The following UBAP2 variants were observed in gnomAD, a reference collection of about 807,000 sequenced individuals.
UBAP2 encodes the protein ubiquitin associated protein 2.
UBAP2 carries 75 observed loss-of-function variants against 139.6 expected under a neutral mutation model. The observed-to-expected ratio is 0.54, with a 90% CI of 0.45 to 0.65. UBAP2 has a LOEUF of 0.65. Ranked by LOEUF, UBAP2 falls within the 30% of genes least tolerant of loss-of-function variation. The pLI, the probability that UBAP2 is intolerant of heterozygous loss-of-function variation, is 0.00. For synonymous variants in UBAP2, 526 were observed against 526.2 expected (o/e 1.00, Z 0.01); for missense variants, 1,368 against 1,369.6 (o/e 1.00, Z 0.02).
At chr9:33,942,748 A>AAAAGG (rs1825346579) in intron 15 of UBAP2, among the ~76,000 whole-genome samples, 1 of 152,004 alleles carries the variant, frequency 6.6e-6, no homozygotes, top group Admixed American at 6.6e-5. Context: ...AAAAGAAAAG[A>AAAAGG]AAAGAAAACT....
At chr9:33,939,663 C>T (rs1241040690) in intron 16 of UBAP2, among the ~76,000 whole-genome samples, 2 of 141,134 alleles carry the variant, frequency 1.4e-5, no homozygotes, top group African/African-American at 2.7e-5. Context: ...AGGTTGCAGG[C>T]AGTTGTGATC....
intron 6 of UBAP2, among the ~76,000 whole-genome samples, chr9:33,974,563 T>A (rs183441177): frequency 6.6e-6 from 1 of 151,992 alleles, no homozygotes; most frequent in Admixed American, 6.6e-5. Context: ...ACCCAAAGAA[T>A]GGAAGAAAAT....
At chr9:33,980,401 T>A (rs1215060876) in intron 6 of UBAP2, among the ~76,000 whole-genome samples, 2 of 140,250 alleles carry the variant, frequency 1.4e-5, no homozygotes, top group Non-Finnish European at 3.1e-5. Context: ...CCAGCTAATC[T>A]TTTTTTGTAT....
chr9:33,958,369 T>C (rs918650416), intron 10 of UBAP2, among the ~76,000 whole-genome samples: 22 of 152,088 alleles, frequency 1.4e-4, no homozygotes, highest in African/African-American at 3.6e-4. Context: ...ACTATAAACA[T>C]TGACATATCT....
At position 34,004,771 on chromosome 9, in the gene UBAP2, G is replaced by A. The variant is rs1254644671; in HGVS notation, c.100-5907C>T. Among the ~76,000 whole-genome samples, 26 of 148,358 alleles carry A rather than the reference G, an allele frequency of 1.8e-4. No individual in the cohort carries two copies. The East Asian group carries it at 2.6e-3, about 15-fold the overall frequency. ...TGCACTCCAGCCTGGGCAAAAGAGC[G>A]AGATTCTGTCTCCAAAAAAAAAAAT... is the stretch of plus-strand genomic sequence containing the variant. On this transcript the variant is annotated intron_variant, in intron 2 of 28. Coordinates refer to ENST00000379238, the MANE Select transcript of UBAP2 (RefSeq NM_001370062.2).
chr9:33,927,704 A>G (rs1053610906), intron 20 of UBAP2, 93 bp downstream of exon 20: 1 of 1,374,356 alleles, frequency 7.3e-7, no homozygotes. Flanking sequence ...CGGGCCTGAG[A>G]CTCTCCTGAC....
At chr9:33,965,745 G>C (rs1463999477) in intron 8 of UBAP2, among the ~76,000 whole-genome samples, 1 of 152,196 alleles carries the variant, frequency 6.6e-6, no homozygotes, top group Non-Finnish European at 1.5e-5. Context: ...TGTTAGAGCA[G>C]TTCTTAAAAT....
Position 33,935,872 on chromosome 9 carries a change from G to A in UBAP2, c.1936C>T (p.His646Tyr), listed in dbSNP as rs954494099. 2 of 1,612,556 alleles carry A rather than the reference G, an allele frequency of 1.2e-6. No individual in the cohort carries two copies. Among genetic ancestry groups the A allele is most frequent in the African/African-American group, 2.7e-5 (2 of 74,866 alleles). Residue 646 changes from histidine (H) to tyrosine (Y), a missense_variant, in exon 17 of 29, where the codon CAT becomes TAT. His to Tyr is a moderately conservative substitution (Grantham distance 83). Transcript: ENST00000379238. ...GTCTGCTGACTTCGACCACCACCAT[G>A]TCCATTCTATAAGGAAAAGAAGAGA... ...ESAPGTIMNG[H>Y]GGGRSQQTLD...
In UBAP2 at chr9:33,927,978, CTCCACACT is replaced by C; in HGVS notation, c.2182_2189del (p.Ser728GlufsTer31). The C allele has an allele frequency of 6.2e-7, 1 of 1,612,674 alleles. No homozygotes were observed. The highest frequency in any genetic ancestry group is 8.5e-7 in the Non-Finnish European group (1 of 1,179,194). Reference sequence around the variant, plus strand: ...CTGAGGACTGGTGGGAAGAGGCGCTCTCCACACTGGCATGCTGGCAAAAGAAAAGCCAG... The same window carrying C: ...CTGAGGACTGGTGGGAAGAGGCGCTCGGCATGCTGGCAAAAGAAAAGCCAG... On this transcript the variant is annotated frameshift_variant, in exon 20 of 29. Coordinates refer to ENST00000379238, the MANE Select transcript of UBAP2 (RefSeq NM_001370062.2). LOFTEE classifies it high-confidence loss of function.
rs370190537 is a variant in UBAP2, at chr9:33,958,499, C to T, written c.798+2327G>A. ...GATCTTGTCTCACTGCAAGTGCCTC[C>T]CGGGTTCAAGTGATTCTCCTGCCTC... On this transcript the variant is annotated intron_variant, in intron 10 of 28. Coordinates refer to ENST00000379238, the MANE Select transcript of UBAP2 (RefSeq NM_001370062.2). Among the ~76,000 whole-genome samples, 15 of 151,482 alleles carry T rather than the reference C, an allele frequency of 9.9e-5. 1 individual carries two copies. The South Asian group carries it at 3.1e-3, about 32-fold the overall frequency.
At position 33,963,736 on chromosome 9, in the gene UBAP2, A is replaced by C. The variant is rs149927922; in HGVS notation, c.735T>G (p.Tyr245Ter). ...IAQDLSNKSSYGLKGAWKNSV... is the reference protein window; with the variant it reads ...IAQDLSNKSS The stretch of plus-strand genomic sequence containing the variant: ...ATTAAGTATTCATACCTTTGAGTCC[A>C]TAAGAACTTTTGTTTGACAGATCCT... Residue 245 changes from tyrosine (Y) to a stop codon, truncating the protein, a stop_gained, in exon 9 of 29, where the codon TAT becomes TAG. Transcript: ENST00000379238. LOFTEE classifies it high-confidence loss of function. 2 of 1,607,946 alleles carry C rather than the reference A, an allele frequency of 1.2e-6. No individual in the cohort carries two copies. The highest frequency in any genetic ancestry group is 1.7e-6 in the Non-Finnish European group (2 of 1,174,782).
rs1280448603 is a variant in UBAP2 at position 33,956,128 on chromosome 9, A to G, written c.817T>C (p.Phe273Leu). The G allele has an allele frequency of 1.9e-6, 3 of 1,613,762 alleles. No homozygotes were observed. The highest frequency in any genetic ancestry group is 2.5e-6 in the Non-Finnish European group (3 of 1,179,868). The change falls in exon 11 of 29, where the codon TTC (phenylalanine) becomes CTC (leucine). Residue 273 changes from phenylalanine to leucine, a missense_variant. Coordinates refer to ENST00000379238, the MANE Select transcript of UBAP2 (RefSeq NM_001370062.2). ...TCTGCTGGAGCAGATGAGGCAGTGA[A>G]GACCTTTGTTTCAGAAAGCTGTATG... Reference protein sequence around the residue: ...WTEDLSETKVFTASSAPAENH... With the variant: ...WTEDLSETKVLTASSAPAENH...
At chr9:34,037,524 T>C (rs538628116) in intron 1 of UBAP2, among the ~76,000 whole-genome samples, 2 of 152,306 alleles carry the variant, frequency 1.3e-5, no homozygotes, top group East Asian at 1.9e-4. Flanking sequence ...AAACTTAGGG[T>C]TGGCATAGCA....
chr9:33,923,924 G>C lies in UBAP2; in HGVS notation c.2667C>G (p.Ser889Arg), dbSNP rs767130194. 3 of 1,614,182 alleles carry C rather than the reference G, an allele frequency of 1.9e-6. No homozygotes were observed. The highest frequency in any genetic ancestry group is 2.5e-6 in the Non-Finnish European group (3 of 1,180,032). The part of the protein sequence containing the change: ...PATTPAQPQQ[S>R]QSQTHHTAQQ... ...GGGCTGTGTGGTGGGTCTGTGATTG[G>C]CTCTGCTGTGGCTGAGCTGGTGTGG... Residue 889 changes from serine to arginine, a missense_variant, in exon 24 of 29, where the codon AGC (serine) becomes AGG (arginine). By Grantham distance (110) the Ser-to-Arg change is moderately radical. Transcript: ENST00000379238.
At chr9:33,943,904 T>A (rs1339220746) in intron 14 of UBAP2, among the ~76,000 whole-genome samples, 4 of 145,396 alleles carry the variant, frequency 2.8e-5, no homozygotes, top group African/African-American at 7.6e-5. Flanking sequence ...CTGTCTCATT[T>A]AAAAAAAAAA....
chr9:33,961,781 G>A (rs986410563), intron 9 of UBAP2, among the ~76,000 whole-genome samples: 1 of 152,178 alleles, frequency 6.6e-6, no homozygotes, highest in Non-Finnish European at 1.5e-5. Context: ...GCATGCTTGT[G>A]AGACAAAAGA....
At chr9:34,042,820 G>A (rs900137585) in intron 1 of UBAP2, among the ~76,000 whole-genome samples, 22 of 150,934 alleles carry the variant, frequency 1.5e-4, no homozygotes, top group Admixed American at 4.0e-4. Context: ...GCTCACACCT[G>A]TAATCTCAGC....
chr9:34,016,370 C>CGGGGGTGGTGGTGGTGGTGGT (rs1321174650), intron 2 of UBAP2, among the ~76,000 whole-genome samples: 1 of 93,690 alleles, frequency 1.1e-5, no homozygotes, highest in African/African-American at 4.9e-5. Flanking sequence ...GCGGCAGCGG[C>CGGGGGTGGTGGTGGTGGTGGT]GGTGGTGGTG....
At chr9:33,990,637 A>ATT (rs35851905) in intron 4 of UBAP2, among the ~76,000 whole-genome samples, 27,971 of 132,268 alleles carry the variant, frequency 0.21, 3,620 homozygotes, top group African/African-American at 0.25. Context: ...GTACCCCCCA[A>ATT]TTTTTTTTTT....
Sources: allele counts gnomAD v4.1 joint callset (sites outside exome capture counted in the v4.1 genomes callset), GRCh38; gene constraint gnomAD v4.1.1; transcripts MANE v1.5; gene names NCBI Gene and HGNC (gene_info 2026-07-23, HGNC 2026-07-21).